Variants in NOP2 observed in about 807,000 individuals in gnomAD.
The protein encoded by NOP2 is 28S rRNA (cytosine(4447)-C(5))-methyltransferase.
In NOP2, 7 loss-of-function variants were observed where a neutral mutation model predicts 72.7. The observed-to-expected ratio is 0.10, with a 90% CI of 0.05 to 0.18. The LOEUF is 0.18. Among genes scored for constraint, NOP2 ranks in the 10% least tolerant of loss-of-function variants. The probability of loss-of-function intolerance (pLI) is 1.00; values close to 1 mark genes in which losing one functional copy is unlikely to be tolerated. For missense variants in NOP2, 954 were observed against 1,014.7 expected (o/e 0.94, Z 0.81); for synonymous variants, 387 against 388.0 (o/e 1.00, Z 0.03).
At chr12:6,563,557 G>GA in intron 7 of NOP2, 43 bp from the exon 8 acceptor site, 1 of 1,609,564 alleles carries the variant, frequency 6.2e-7, no homozygotes, top group Non-Finnish European at 8.5e-7. Context: ...CTAAGGCCTG[G>GA]AAATCCCTCT....
rs984516714 is a variant in NOP2 at position 6,561,700 on chromosome 12, T to C, written c.1171A>G (p.Met391Val). The stretch of plus-strand genomic sequence containing the variant: ...GTCTTTCCTCCAGGGGCACAACACA[T>C]GTCCAGGATCCGCTCATGTTCCTGG... The part of the protein sequence containing the change: ...APQEHERILD[M>V]CCAPGGKTSY... The change falls in exon 11 of 16, where the codon ATG becomes GTG. Residue 391 changes from methionine (M) to valine (V), a missense_variant. Met to Val is a conservative substitution (Grantham distance 21). Around this residue, in one of 3 missense-constraint regions of NOP2, gnomAD observed 187 missense variants for 276.2 expected, o/e 0.68. Coordinates refer to ENST00000322166, the MANE Select transcript of NOP2 (RefSeq NM_001258308.2). The C allele has an allele frequency of 6.2e-7, 1 of 1,613,798 alleles. No individual in the cohort carries two copies. Among genetic ancestry groups the C allele is most frequent in the Non-Finnish European group, 8.5e-7 (1 of 1,179,836 alleles).
chr12:6,560,597 C>A lies in NOP2; in HGVS notation c.1438-28G>T. 1.2e-6 allele frequency: 2 copies of A among 1,600,674 alleles called. No individual in the cohort carries two copies. The highest frequency in any genetic ancestry group is 1.7e-6 in the Non-Finnish European group (2 of 1,171,340). On this transcript the variant is annotated intron_variant, in intron 13 of 15. Transcript: ENST00000322166. The surrounding 1 kb of genome is among the most constrained non-coding windows in gnomAD (Gnocchi z 5.0). ...GTCCCAAAAAGAGACCCAAAGGCAGCCTCAGGAGGAGAGGGGAGCCCAGAG... is the reference window on the plus strand; with the variant it reads ...GTCCCAAAAAGAGACCCAAAGGCAGACTCAGGAGGAGAGGGGAGCCCAGAG...
rs1947524899 is a variant in NOP2 at position 6,557,579 on chromosome 12, T to C, written c.1853A>G (p.Asn618Ser). ...DLPQVIPKSE[N>S]SSQPAKKAKG... ...GGCTTTCTTGGCTGGCTGGCTGCTG[T>C]TCTCAGACTTGGGGATGACCTGAGG... The change falls in exon 16 of 16, where the codon AAC becomes AGC. Residue 618 changes from asparagine to serine, a missense_variant. Asn to Ser is a conservative substitution (Grantham distance 46, BLOSUM62 1). Coordinates refer to ENST00000322166, the MANE Select transcript of NOP2 (RefSeq NM_001258308.2). The C allele has an allele frequency of 6.2e-7, 1 of 1,613,912 alleles. No individual in the cohort carries two copies. Among genetic ancestry groups the C allele is most frequent in the Non-Finnish European group, 8.5e-7 (1 of 1,179,824 alleles).
chr12:6,564,333 C>A, intron 5 of NOP2: 1 of 190,150 alleles, frequency 5.3e-6, no homozygotes, highest in Non-Finnish European at 1.1e-5. Context: ...ATTTTTCTTT[C>A]TACTATTATG....
chr12:6,558,140 CAAAAAAAA>C (rs1186896591), intron 15 of NOP2: 21 of 171,266 alleles, frequency 1.2e-4, no homozygotes, highest in East Asian at 4.2e-4. Flanking sequence ...GACACCGTCT[CAAAAAAAA>C]AAAAAAAAAA....
In NOP2 at chr12:6,567,870, T is replaced by C. The variant is rs1357569345; in HGVS notation, c.49A>G (p.Lys17Glu). 1 of 1,613,922 alleles carries C rather than the reference T, an allele frequency of 6.2e-7. No individual in the cohort carries two copies. The highest frequency in any genetic ancestry group is 8.5e-7 in the Non-Finnish European group (1 of 1,179,910). ...TCGGCACCCTTCTGCTTCCGGGCCT[T>C]TCGGCCTGGCCCCCGCTTCTCCTTC... The part of the protein sequence containing the change: ...PTKEKRGPGR[K>E]ARKQKGAETE... Residue 17 changes from lysine (K) to glutamate (E), a missense_variant, in exon 2 of 16, where the codon AAG becomes GAG. Transcript: ENST00000322166.
chr12:6,559,983 G>A, intron 15 of NOP2, 115 bp downstream of exon 15: 1 of 761,908 alleles, frequency 1.3e-6, no homozygotes, highest in Middle Eastern at 2.5e-4. Flanking sequence ...GCATGCAAAG[G>A]CTGGAGTAAG....
rs201606713 is a variant in NOP2, at chr12:6,557,269, C to G, written c.2163G>C (p.Lys721Asn). The change falls in exon 16 of 16, where the codon AAG becomes AAC. Residue 721 changes from lysine (K) to asparagine (N), a missense_variant. Lys to Asn is a moderately conservative substitution (Grantham distance 94, BLOSUM62 0). Coordinates refer to ENST00000322166, the MANE Select transcript of NOP2 (RefSeq NM_001258308.2). ...VAFLRQNAPP[K>N]GTDTQTPAVL... is the part of the protein sequence containing the mutation. ...CAGCCGGTGTTTGTGTGTCTGTGCC[C>G]TTGGGAGGGGCATTCTGCCTGAGGA... 5.7e-5 allele frequency: 92 copies of G among 1,614,018 alleles called. No homozygotes were observed. The highest frequency in any genetic ancestry group is 7.7e-5 in the Non-Finnish European group (91 of 1,179,894).
chr12:6,563,093 T>C lies in NOP2; in HGVS notation c.966A>G (p.Arg322=). ...LRTNTLKTRR[R]DLAQALINRG... ...GGCCACCCCTCACCTGTGCAAGGTC[T>C]CGGCGTCGGGTTTTCAAGGTATTGG... is the stretch of plus-strand genomic sequence containing the variant. Residue 322 remains arginine, a synonymous_variant, in exon 9 of 16, where the codon CGA becomes CGG. Transcript: ENST00000322166. The C allele has an allele frequency of 6.3e-7, 1 of 1,587,234 alleles. No homozygotes were observed. The highest frequency in any genetic ancestry group is 8.6e-7 in the Non-Finnish European group (1 of 1,166,844).
In NOP2 at chr12:6,561,734, G is replaced by A. The variant is rs537896036; in HGVS notation, c.1137C>T (p.Ala379=). The A allele has an allele frequency of 6.2e-7, 1 of 1,613,098 alleles. No individual in the cohort carries two copies. The highest frequency in any genetic ancestry group is 2.2e-5 in the East Asian group (1 of 44,854). ...TCCGCTCATGTTCCTGGGGTGCCAA[G>A]GCCATGACGGGCAACATGCTGGAGG... ...QGASSMLPVM[A]LAPQEHERIL... The change falls in exon 11 of 16, where the codon GCC becomes GCT. Residue 379 remains alanine, a synonymous_variant. Transcript: ENST00000322166.
At chr12:6,564,624 T>TC (rs1947732497) in intron 5 of NOP2, among the ~76,000 whole-genome samples, 1 of 152,104 alleles carries the variant, frequency 6.6e-6, no homozygotes, top group Non-Finnish European at 1.5e-5. Flanking sequence ...AGATGGGGTT[T>TC]CACCATGATG....
At chr12:6,566,370 CCA>C in intron 4 of NOP2, 34 bp from the exon 5 acceptor site, 1 of 1,561,752 alleles carries the variant, frequency 6.4e-7, no homozygotes, top group Non-Finnish European at 8.8e-7. Context: ...CTAATGGCAG[CCA>C]CACATTCCCT....
In NOP2 at chr12:6,567,799, C is replaced by T. The variant is rs777127521; in HGVS notation, c.103+17G>A. Reference sequence around the variant, plus strand: ...CTGCAAAAGCTGAGGGATCAGGAGGCCACAACTAATCCTTACCTGCAGGCA... The same window carrying T: ...CTGCAAAAGCTGAGGGATCAGGAGGTCACAACTAATCCTTACCTGCAGGCA... On this transcript the variant is annotated intron_variant, in intron 2 of 15. Coordinates refer to ENST00000322166, the MANE Select transcript of NOP2 (RefSeq NM_001258308.2). The T allele has an allele frequency of 2.6e-5, 42 of 1,599,624 alleles. No individual in the cohort carries two copies. In the Admixed American group the frequency reaches 6.4e-4, roughly 24 times the overall value.
chr12:6,558,393 C>T (rs1947560781), intron 15 of NOP2, among the ~76,000 whole-genome samples: 2 of 151,344 alleles, frequency 1.3e-5, no homozygotes, highest in Non-Finnish European at 2.9e-5. Flanking sequence ...CTGCCTCAGC[C>T]TCCGGACAAT....
chr12:6,564,914 T>G (rs987073482), intron 5 of NOP2, among the ~76,000 whole-genome samples: 1 of 152,162 alleles, frequency 6.6e-6, no homozygotes, highest in Non-Finnish European at 1.5e-5. Flanking sequence ...TTTGGAAGTT[T>G]CCTGAGTTTT....
rs1347285618 is a variant in NOP2 at position 6,563,108 on chromosome 12, C to T, written c.951G>A (p.Leu317=). Residue 317 remains leucine (L), a synonymous_variant, in exon 9 of 16, where the codon TTG becomes TTA. Transcript: ENST00000322166. ...PRPVTLRTNT[L]KTRRRDLAQA... ...GTGCAAGGTCTCGGCGTCGGGTTTTCAAGGTATTGGTCCGGAGGGTGACGG... is the reference window on the plus strand; with the variant it reads ...GTGCAAGGTCTCGGCGTCGGGTTTTTAAGGTATTGGTCCGGAGGGTGACGG... 2 of 1,595,858 alleles carry T rather than the reference C, an allele frequency of 1.3e-6. No individual in the cohort carries two copies. The highest frequency in any genetic ancestry group is 1.7e-5 in the Admixed American group (1 of 57,194).
chr12:6,558,457 G>A (rs1947563401), intron 15 of NOP2, among the ~76,000 whole-genome samples: 1 of 151,816 alleles, frequency 6.6e-6, no homozygotes, highest in Non-Finnish European at 1.5e-5. Flanking sequence ...GTAGAGATGA[G>A]GTTTCACCAT....
In NOP2 at chr12:6,561,884, C is replaced by G; in HGVS notation, c.1066G>C (p.Gly356Arg). The G allele has an allele frequency of 6.2e-7, 1 of 1,610,704 alleles. No homozygotes were observed. The highest frequency in any genetic ancestry group is 8.5e-7 in the Non-Finnish European group (1 of 1,178,528). ...LVVYDSSVPI[G>R]ATPEYLAGHY... ...GGGCTCTTGGGTGGGGGAGACTTAC[C>G]AATGGGCACAGAAGAATCATACACC... The change falls in exon 10 of 16, where the codon GGT becomes CGT. Residue 356 changes from glycine to arginine, a missense_variant and splice_region_variant. Coordinates refer to ENST00000322166, the MANE Select transcript of NOP2 (RefSeq NM_001258308.2).
At chr12:6,558,320 T>A (rs1947558239) in intron 15 of NOP2, among the ~76,000 whole-genome samples, 1 of 151,828 alleles carries the variant, frequency 6.6e-6, no homozygotes, top group Non-Finnish European at 1.5e-5. Flanking sequence ...TCACCCAGGC[T>A]GGAGTGCAGT....
Sources: allele counts gnomAD v4.1 joint callset (sites outside exome capture counted in the v4.1 genomes callset), GRCh38; gene constraint gnomAD v4.1.1; regional missense constraint gnomAD v4.1.1; non-coding constraint Gnocchi (gnomAD v3.1); transcripts MANE v1.5; gene names NCBI Gene and HGNC (gene_info 2026-07-23, HGNC 2026-07-21).